Variants in PRPSAP2 observed in about 807,000 individuals in gnomAD.
PRPSAP2 encodes phosphoribosyl pyrophosphate synthetase associated protein 2, also known as phosphoribosyl pyrophosphate synthase-associated protein 2.
A neutral mutation model predicts 40.6 loss-of-function variants in PRPSAP2; 24 were observed. The observed-to-expected ratio is 0.59, with a 90% CI of 0.43 to 0.83. The LOEUF (loss-of-function observed/expected upper bound fraction) is 0.83. Among genes scored for constraint, PRPSAP2 ranks in the 40% least tolerant of loss-of-function variants. The probability of loss-of-function intolerance (pLI) is 0.00; values close to 1 mark genes in which losing one functional copy is unlikely to be tolerated. For missense variants in PRPSAP2, 292 were observed against 465.6 expected (o/e 0.63, Z 3.43); for synonymous variants, 149 against 164.7 (o/e 0.90, Z 0.73).
At chr17:18,874,212 G>C (rs2038106636) in intron 5 of PRPSAP2, among the ~76,000 whole-genome samples, 1 of 152,136 alleles carries the variant, frequency 6.6e-6, no homozygotes, top group East Asian at 1.9e-4. Flanking sequence ...ATCACACCTG[G>C]CCTTAAAGCC....
chr17:18,872,748 T>C (rs1363974095), intron 5 of PRPSAP2, 99 bp downstream of exon 5: 1 of 905,056 alleles, frequency 1.1e-6, no homozygotes, highest in Non-Finnish European at 1.7e-6. Flanking sequence ...ATAATAGTCT[T>C]AAAATTAGTA....
intron 8 of PRPSAP2, among the ~76,000 whole-genome samples, chr17:18,903,444 T>C (rs1351360796): frequency 6.9e-6 from 1 of 145,154 alleles, no homozygotes; most frequent in Non-Finnish European, 1.5e-5. Context: ...TTTAAGGTAT[T>C]GTGAGTGGGC....
intron 8 of PRPSAP2, chr17:18,904,671 G>C (rs1207191588): frequency 6.6e-6 from 1 of 152,214 alleles, no homozygotes; most frequent in Non-Finnish European, 1.5e-5. Flanking sequence ...CAGTTGTTTT[G>C]ACTAAAAGGG....
chr17:18,904,445 G>A (rs2040457203), intron 8 of PRPSAP2: 1 of 152,152 alleles, frequency 6.6e-6, no homozygotes, highest in Admixed American at 6.5e-5. Flanking sequence ...GGTAGACATG[G>A]GGTTTCACCA....
chr17:18,876,954 G>A (rs1280627233), intron 5 of PRPSAP2, among the ~76,000 whole-genome samples: 1 of 152,170 alleles, frequency 6.6e-6, no homozygotes, highest in Non-Finnish European at 1.5e-5. Context: ...TTGTAAATTT[G>A]AGAGTTGCCA....
At chr17:18,908,292 A>G (rs570355290) in intron 8 of PRPSAP2, 71 of 775,738 alleles carry the variant, frequency 9.2e-5, no homozygotes, top group Non-Finnish European at 1.6e-4. Context: ...AAGGACACTC[A>G]TGAGGACCAT....
chr17:18,916,001 G>A (rs2041287147), intron 9 of PRPSAP2, among the ~76,000 whole-genome samples: 1 of 151,948 alleles, frequency 6.6e-6, no homozygotes, highest in Admixed American at 6.6e-5. Flanking sequence ...TTGTATTTTA[G>A]TAGAGATGGG....
intron 4 of PRPSAP2, among the ~76,000 whole-genome samples, chr17:18,869,974 A>G (rs1392199747): frequency 6.6e-6 from 1 of 151,454 alleles, no homozygotes; most frequent in African/African-American, 2.4e-5. Context: ...CAGCCTCCCA[A>G]ATAGGTGGGC....
chr17:18,902,206 C>T (rs1285560136), intron 8 of PRPSAP2, among the ~76,000 whole-genome samples: 2 of 152,182 alleles, frequency 1.3e-5, no homozygotes, highest in Admixed American at 1.3e-4. Flanking sequence ...CTGTCACCCA[C>T]CTGTTCACAG....
chr17:18,864,350 G>A (rs1457148259), intron 1 of PRPSAP2, among the ~76,000 whole-genome samples: 1 of 151,138 alleles, frequency 6.6e-6, no homozygotes, highest in Non-Finnish European at 1.5e-5. Flanking sequence ...CTGGAGTACA[G>A]TGGTGCAATC....
intron 8 of PRPSAP2, among the ~76,000 whole-genome samples, chr17:18,910,822 C>T (rs1426899419): frequency 2.0e-5 from 3 of 152,254 alleles, no homozygotes; most frequent in East Asian, 1.9e-4. Flanking sequence ...CAGAGCTGAG[C>T]GGAGGTTCCT....
At chr17:18,899,450 A>G (rs1251172067) in intron 8 of PRPSAP2, among the ~76,000 whole-genome samples, 7 of 144,484 alleles carry the variant, frequency 4.8e-5, no homozygotes, top group African/African-American at 1.8e-4. Context: ...CAGTTCACTG[A>G]TTCTTTCCTT....
intron 8 of PRPSAP2, among the ~76,000 whole-genome samples, chr17:18,907,459 A>G (rs1463195325): frequency 1.3e-5 from 2 of 152,224 alleles, no homozygotes; most frequent in Non-Finnish European, 2.9e-5. Flanking sequence ...TAGTGATTCC[A>G]TTATTCTTCT....
chr17:18,870,643 T>C (rs2037787808), intron 4 of PRPSAP2, among the ~76,000 whole-genome samples: 1 of 151,856 alleles, frequency 6.6e-6, no homozygotes, highest in Non-Finnish European at 1.5e-5. Context: ...ACCCCATCTT[T>C]ACCAAAGATA....
chr17:18,877,591 C>A (rs1211161779), intron 5 of PRPSAP2, 107 bp from the exon 6 acceptor site: 2 of 1,071,728 alleles, frequency 1.9e-6, no homozygotes, highest in African/African-American at 1.6e-5. Flanking sequence ...TTCTGCCTTG[C>A]ACCTTAGGTT....
chr17:18,915,180 A>G (rs2041233975), intron 9 of PRPSAP2, among the ~76,000 whole-genome samples: 1 of 151,836 alleles, frequency 6.6e-6, no homozygotes, highest in South Asian at 2.1e-4. Context: ...ATGTGCCACC[A>G]TGTCTGGCTA....
intron 4 of PRPSAP2, among the ~76,000 whole-genome samples, chr17:18,869,018 C>G (rs2037644028): frequency 6.6e-6 from 1 of 152,154 alleles, no homozygotes; most frequent in African/African-American, 2.4e-5. Flanking sequence ...TATAATTAAA[C>G]TCTGCAAGGA....
chr17:18,921,104 C>T (rs2041666797), intron 9 of PRPSAP2, among the ~76,000 whole-genome samples: 1 of 152,150 alleles, frequency 6.6e-6, no homozygotes, highest in Non-Finnish European at 1.5e-5. Context: ...GATTTGTCCA[C>T]CTCAGCCTCT....
intron 9 of PRPSAP2, among the ~76,000 whole-genome samples, chr17:18,922,372 A>T (rs1232394150): frequency 6.6e-6 from 1 of 152,124 alleles, no homozygotes; most frequent in Non-Finnish European, 1.5e-5. Context: ...CTTTTTTCAC[A>T]GCAGCTGCAC....
Sources: allele counts gnomAD v4.1 joint callset (sites outside exome capture counted in the v4.1 genomes callset), GRCh38; gene constraint gnomAD v4.1.1; transcripts MANE v1.5; gene names NCBI Gene and HGNC (gene_info 2026-07-23, HGNC 2026-07-21).